The following APBA1 variants were observed in gnomAD, a reference collection of about 807,000 sequenced individuals.
APBA1 encodes the protein amyloid beta precursor protein binding family A member 1, also known as amyloid-beta A4 precursor protein-binding family A member 1.
Under a neutral mutation model 86.6 loss-of-function variants are expected in APBA1, and 55 were observed. That is an observed-to-expected ratio of 0.64 (90% CI 0.51 to 0.80). The LOEUF (loss-of-function observed/expected upper bound fraction) is 0.80. APBA1 is among the 30% of genes least tolerant of loss of function. The pLI is 0.00. For missense variants in APBA1, 1,090 were observed against 1,183.0 expected, an observed-to-expected ratio of 0.92 and a Z score of 1.15; for synonymous variants, 511 against 493.9, an observed-to-expected ratio of 1.03 and a Z score of -0.46.
intron 5 of APBA1, chr9:69,464,558 A>G (rs562609500): frequency 6.6e-6 from 1 of 152,324 alleles, no homozygotes; most frequent in Admixed American, 6.5e-5. Flanking sequence ...CTAATTTTTG[A>G]TTCAAATGAA....
chr9:69,584,084 G>A (rs941665087), intron 1 of APBA1, among the ~76,000 whole-genome samples: 4 of 152,192 alleles, frequency 2.6e-5, no homozygotes, highest in Non-Finnish European at 5.9e-5. Context: ...CTTCTTGTGT[G>A]TTTCAAAATA....
At chr9:69,495,566 C>T (rs563007252) in intron 2 of APBA1, among the ~76,000 whole-genome samples, 1 of 152,180 alleles carries the variant, frequency 6.6e-6, no homozygotes, top group South Asian at 2.1e-4. Flanking sequence ...ACATTAACCC[C>T]TCGCTGCCTG....
chr9:69,511,947 T>A (rs1836052970), intron 2 of APBA1, among the ~76,000 whole-genome samples: 1 of 151,538 alleles, frequency 6.6e-6, no homozygotes, highest in Non-Finnish European at 1.5e-5. Context: ...GGGGGAGGGA[T>A]AGCATTGGGA....
At chr9:69,449,237 ACTGT>A (rs796457325) in intron 10 of APBA1, among the ~76,000 whole-genome samples, 4 of 152,284 alleles carry the variant, frequency 2.6e-5, no homozygotes, top group African/African-American at 7.2e-5. Context: ...ACTATAAGTG[ACTGT>A]CTGGATTCCC....
intron 8 of APBA1, 142 bp downstream of exon 8, chr9:69,456,105 T>C (rs1183957882): frequency 2.1e-6 from 2 of 947,366 alleles, no homozygotes; most frequent in Non-Finnish European, 3.3e-6. Context: ...CTCAGCCTTA[T>C]ATCTCTAGTG....
At chr9:69,546,479 C>G (rs978752204) in intron 1 of APBA1, among the ~76,000 whole-genome samples, 3 of 152,180 alleles carry the variant, frequency 2.0e-5, no homozygotes, top group African/African-American at 7.2e-5. Context: ...GAGGGCGCTG[C>G]CCCCTAATGG....
intron 4 of APBA1, among the ~76,000 whole-genome samples, chr9:69,468,573 C>T (rs35532555): frequency 0.11 from 16,423 of 152,268 alleles, 1,115 homozygotes; most frequent in East Asian, 0.21. Flanking sequence ...ATAATGTGAC[C>T]TCAAAGCCAC....
intron 2 of APBA1, among the ~76,000 whole-genome samples, chr9:69,512,494 T>C (rs1836066930): frequency 6.6e-6 from 1 of 152,198 alleles, no homozygotes; most frequent in South Asian, 2.1e-4. Context: ...TAGTTTGTGA[T>C]CTTGCCATTT....
intron 1 of APBA1, among the ~76,000 whole-genome samples, chr9:69,651,022 C>G (rs1564102774): frequency 6.6e-6 from 1 of 152,036 alleles, no homozygotes; most frequent in Non-Finnish European, 1.5e-5. Context: ...AGATTTCTAT[C>G]AATAGGAGAA....
At chr9:69,436,193 A>T (rs1203340656) in intron 11 of APBA1, among the ~76,000 whole-genome samples, 1 of 149,956 alleles carries the variant, frequency 6.7e-6, no homozygotes, top group East Asian at 1.9e-4. Flanking sequence ...CTTGTAGTAT[A>T]GTTTGAAGTC....
At chr9:69,633,451 A>G (rs1823091226) in intron 1 of APBA1, among the ~76,000 whole-genome samples, 2 of 152,002 alleles carry the variant, frequency 1.3e-5, no homozygotes, top group Non-Finnish European at 2.9e-5. Context: ...CTCTCTCCCA[A>G]AGCACTCCAC....
intron 1 of APBA1, among the ~76,000 whole-genome samples, chr9:69,575,062 G>A (rs1403983011): frequency 6.6e-6 from 1 of 152,104 alleles, no homozygotes; most frequent in African/African-American, 2.4e-5. Flanking sequence ...GACTACAGGT[G>A]TGCACCACCT....
chr9:69,564,472 G>C (rs1836994670), intron 1 of APBA1, among the ~76,000 whole-genome samples: 1 of 152,058 alleles, frequency 6.6e-6, no homozygotes, highest in South Asian at 2.1e-4. Context: ...TTACTTTTGG[G>C]GTGGGAGGTC....
Position 69,428,374 on chromosome 9 carries a change from G to A in APBA1, c.*2953C>T, listed in dbSNP as rs1834525851. On this transcript the variant is annotated 3_prime_UTR_variant, in exon 13 of 13. Transcript: ENST00000265381. Reference sequence around the variant, plus strand: ...GGCGAGGGAAGGTGTCGCTGGAGAAGTGGGCTCCAGGCATTGGTCTTTGGG... The same window carrying A: ...GGCGAGGGAAGGTGTCGCTGGAGAAATGGGCTCCAGGCATTGGTCTTTGGG... 6.6e-6 allele frequency: 1 copy of A among 152,360 alleles called. No homozygotes were observed. Among genetic ancestry groups the A allele is most frequent in the African/African-American group, 2.4e-5 (1 of 41,458 alleles). 9.4% of individuals were successfully genotyped at this position (152,360 alleles called of 1,614,324 possible). A position where few individuals can be genotyped will look rare whatever the true frequency, so the allele number is the denominator to read the frequency against.
rs942630976 is a variant in APBA1, at chr9:69,456,158, T to C, written c.1788+89A>G. ...ACACAGTACGTGCACAATAAATACA[T>C]GCATCATGTGTGATGAATTAGACTG... On this transcript the variant is annotated intron_variant, in intron 8 of 12. Coordinates refer to ENST00000265381, the MANE Select transcript of APBA1 (RefSeq NM_001163.4). The C allele has an allele frequency of 8.1e-6, 11 of 1,361,354 alleles. No homozygotes were observed. The Admixed American group carries it at 1.9e-4, about 23-fold the overall frequency. The allele number at this position is 1,361,354 out of a possible 1,614,324, so 84.3% of individuals were successfully genotyped here.
chr9:69,455,673 C>A (rs956759480), intron 8 of APBA1, among the ~76,000 whole-genome samples: 1 of 152,016 alleles, frequency 6.6e-6, no homozygotes, highest in Non-Finnish European at 1.5e-5. Context: ...TTCCTGTAGC[C>A]CAGAGGATGG....
rs191563998 is a variant in APBA1, at chr9:69,566,902, C to T, written c.-69-49623G>A. ...TATACACTTGCTGTTTGGTCACAGT[C>T]GGCCTCACCCTACTTGTGTGTCAGG... On this transcript the variant is annotated intron_variant, in intron 1 of 12. Coordinates refer to ENST00000265381, the MANE Select transcript of APBA1 (RefSeq NM_001163.4). Among the ~76,000 whole-genome samples the T allele has an allele frequency of 1.7e-3, 259 of 152,202 alleles. 1 individual carries two copies. Among genetic ancestry groups the T allele is most frequent in the Non-Finnish European group, 1.6e-4 (11 of 68,020 alleles).
rs981675854 is a variant in APBA1, at chr9:69,428,502, G to A, written c.*2825C>T. 6.6e-6 allele frequency: 1 copy of A among 152,224 alleles called. No individual in the cohort carries two copies. Among genetic ancestry groups the A allele is most frequent in the African/African-American group, 2.4e-5 (1 of 41,432 alleles). The allele number at this position is 152,224 out of a possible 1,614,324, so 9.4% of individuals were successfully genotyped here. A position where few individuals can be genotyped will look rare whatever the true frequency, so the allele number is the denominator to read the frequency against. The stretch of plus-strand genomic sequence containing the variant: ...CTGGTGCCTCTGCCTGGACCAGGAG[G>A]GGGAGGTGAACGTGGGAGTCCAACC... On this transcript the variant is annotated 3_prime_UTR_variant, in exon 13 of 13. Coordinates refer to ENST00000265381, the MANE Select transcript of APBA1 (RefSeq NM_001163.4).
intron 1 of APBA1, among the ~76,000 whole-genome samples, chr9:69,591,254 C>T (rs1345716998): frequency 6.6e-6 from 1 of 152,182 alleles, no homozygotes; most frequent in Non-Finnish European, 1.5e-5. Context: ...AGTTCTCTGT[C>T]TTTTCTGAAT....
Sources: gnomAD v4.1 joint callset for allele counts (sites outside exome capture counted in the v4.1 genomes callset) on GRCh38, gnomAD v4.1.1 for gene constraint, MANE v1.5 for transcripts, NCBI Gene and HGNC (gene_info 2026-07-23, HGNC 2026-07-21) for gene names.